The following MACF1 variants were observed in gnomAD, a reference collection of about 807,000 sequenced individuals.
MACF1 encodes microtubule actin crosslinking factor 1.
MACF1 carries 193 observed loss-of-function variants against 854.8 expected under a neutral mutation model. That is an observed-to-expected ratio of 0.23 (90% CI 0.20 to 0.25). MACF1 has a LOEUF of 0.25. Among genes scored for constraint, MACF1 ranks in the 10% least tolerant of loss-of-function variants. The pLI is 1.00. For synonymous variants in MACF1, 3,185 were observed against 3,226.7 expected (o/e 0.99, Z 0.44); for missense variants, 7,722 against 8,929.1 (o/e 0.86, Z 5.45).
chr1:39,362,729 T>G (rs954545314), intron 49 of MACF1, among the ~76,000 whole-genome samples: 15 of 152,214 alleles, frequency 9.9e-5, no homozygotes, highest in African/African-American at 3.6e-4. Context: ...AGTCCCACTT[T>G]TAGTGGGGAA....
chr1:39,314,567 T>TCACACACA lies in MACF1; in HGVS notation c.3271-945_3271-944insACACACAC, dbSNP rs761098207. On this transcript the variant is annotated intron_variant, in intron 26 of 100. Transcript: ENST00000564288. ...TTCTCTTTCTCTCTCTCTCTCTCTC[T>TCACACACA]CTCACACACACACACACACACACAC... Among the ~76,000 whole-genome samples the TCACACACA allele has an allele frequency of 7.6e-3, 874 of 115,200 alleles. 4 individuals carry two copies. Among genetic ancestry groups the TCACACACA allele is most frequent in the Middle Eastern group, 0.017 (4 of 242 alleles). The allele number at this position is 115,200 out of a possible 152,430, so 75.6% of individuals were successfully genotyped here.
chr1:39,133,808 T>TC (rs1643082826), intron 2 of MACF1, among the ~76,000 whole-genome samples: 1 of 152,202 alleles, frequency 6.6e-6, no homozygotes, highest in South Asian at 2.1e-4. Flanking sequence ...ATTCATTTTT[T>TC]CTAGAGTTGC....
intron 2 of MACF1, among the ~76,000 whole-genome samples, chr1:39,148,544 A>G (rs1304264070): frequency 6.6e-6 from 1 of 152,202 alleles, no homozygotes; most frequent in Non-Finnish European, 1.5e-5. Context: ...CATGCAATAC[A>G]TATTTGGAAA....
intron 6 of MACF1, among the ~76,000 whole-genome samples, chr1:39,261,764 A>G (rs1332771194): frequency 6.6e-6 from 1 of 152,232 alleles, no homozygotes; most frequent in African/African-American, 2.4e-5. Context: ...AGTTATTTGC[A>G]TACCAGTCTG....
chr1:39,440,439 C>T (rs138881555), intron 72 of MACF1, among the ~76,000 whole-genome samples: 1 of 152,028 alleles, frequency 6.6e-6, no homozygotes, highest in Non-Finnish European at 1.5e-5. Context: ...ACATTTCTTA[C>T]CTCATATTGT....
chr1:39,333,587 G>T lies in MACF1; in HGVS notation c.6999G>T (p.Gln2333His). 6.2e-7 allele frequency: 1 copy of T among 1,614,206 alleles called. No individual in the cohort carries two copies. Among genetic ancestry groups the T allele is most frequent in the Non-Finnish European group, 8.5e-7 (1 of 1,180,028 alleles). ...VKLMEKLNMF[Q>H]GFFDSQTCES... ...TTATGGAGAAGCTGAACATGTTTCAGGGGTTCTTTGACTCTCAGACTTGTG... is the reference window on the plus strand; with the variant it reads ...TTATGGAGAAGCTGAACATGTTTCATGGGTTCTTTGACTCTCAGACTTGTG... The change falls in exon 37 of 101, where the codon CAG becomes CAT. Residue 2333 changes from glutamine to histidine, a missense_variant. Physicochemically the swap from Gln to His is conservative, Grantham distance 24. Transcript: ENST00000564288.
chr1:39,458,865 GA>G, intron 90 of MACF1: 1 of 534,238 alleles, frequency 1.9e-6, no homozygotes, highest in Non-Finnish European at 3.3e-6. Flanking sequence ...AGGTAGGACA[GA>G]ATTGCTTGGA....
chr1:39,098,506 T>C (rs1167260176), intron 2 of MACF1, among the ~76,000 whole-genome samples: 1 of 152,234 alleles, frequency 6.6e-6, no homozygotes, highest in African/African-American at 2.4e-5. Context: ...TAACATCCAT[T>C]ATCTCTACTG....
chr1:39,153,481 C>G (rs1643623592), intron 2 of MACF1, among the ~76,000 whole-genome samples: 1 of 152,068 alleles, frequency 6.6e-6, no homozygotes. Flanking sequence ...GACCCACAGC[C>G]AAAAAGAAAA....
rs958541242 is a variant in MACF1, at chr1:39,451,284, A to ATGAC, written c.20418+76_20418+79dup. The ATGAC allele has an allele frequency of 4.2e-6, 6 of 1,415,254 alleles. No homozygotes were observed. In the African/African-American group the frequency reaches 7.2e-5, roughly 17 times the overall value. 87.7% of individuals were successfully genotyped at this position (1,415,254 alleles called of 1,614,324 possible). On this transcript the variant is annotated intron_variant, in intron 85 of 100. Transcript: ENST00000564288. The stretch of plus-strand genomic sequence containing the variant: ...TATGACTGCCTAGGGTCTTCTACAT[A>ATGAC]TGACTGCCTCTGCCCTTCTTTCTAG...
At position 39,449,697 on chromosome 1, in the gene MACF1, A is replaced by ATTTTTTT. The variant is rs4012670; in HGVS notation, c.20258+943_20258+949dup. Among the ~76,000 whole-genome samples the ATTTTTTT allele has an allele frequency of 3.4e-4, 44 of 129,766 alleles. 1 individual carries two copies. Among genetic ancestry groups the ATTTTTTT allele is most frequent in the South Asian group, 7.5e-4 (3 of 4,016 alleles). 85.1% of individuals were successfully genotyped at this position (129,766 alleles called of 152,430 possible). A position where few individuals can be genotyped will look rare whatever the true frequency, so the allele number is the denominator to read the frequency against. ...ACAGGCGTGAGCCACCGCGCCTGGC[A>ATTTTTTT]TTTTTTTTTTTTTTTGTCATGTTGA... On this transcript the variant is annotated intron_variant, in intron 84 of 100. Coordinates refer to ENST00000564288, the MANE Select transcript of MACF1 (RefSeq NM_001394062.1).
intron 98 of MACF1, 26 bp downstream of exon 98, chr1:39,480,035 T>G (rs1387482586): frequency 1.4e-6 from 2 of 1,450,916 alleles, no homozygotes; most frequent in Admixed American, 2.0e-5. Context: ...CATTATGCCC[T>G]TCTTCCCCAA....
chr1:39,351,368 G>A (rs575641227), intron 43 of MACF1, among the ~76,000 whole-genome samples: 6 of 152,126 alleles, frequency 3.9e-5, no homozygotes, highest in African/African-American at 1.2e-4. Flanking sequence ...GGCCAGGCTG[G>A]CTAGTCTGTG....
chr1:39,254,497 C>T, intron 5 of MACF1, 122 bp downstream of exon 5: 1 of 837,148 alleles, frequency 1.2e-6, no homozygotes. Flanking sequence ...TGACCCAGTT[C>T]TGAGTCTTAA....
In MACF1 at chr1:39,439,294, C is replaced by A; in HGVS notation, c.18241C>A (p.Gln6081Lys). 6.2e-7 allele frequency: 1 copy of A among 1,611,694 alleles called. No individual in the cohort carries two copies. The highest frequency in any genetic ancestry group is 1.1e-5 in the South Asian group (1 of 90,998). Residue 6081 changes from glutamine to lysine, a missense_variant, in exon 72 of 101, where the codon CAA (glutamine) becomes AAA (lysine). This residue lies in a region of MACF1 where 2,807 missense variants were observed against 3,235.8 expected (regional missense o/e 0.87). Transcript: ENST00000564288. ...AAKEIQDKLD[Q>K]MVFFWEDIKA... ...CTCAGAAATCCAGGATAAATTGGAT[C>A]AAATGGTATTCTTCTGGGAGGACAT...
Position 39,291,920 on chromosome 1 carries a change from A to T in MACF1, c.1796A>T (p.Glu599Val). 1 of 1,613,448 alleles carries T rather than the reference A, an allele frequency of 6.2e-7. No individual in the cohort carries two copies. Among genetic ancestry groups the T allele is most frequent in the Non-Finnish European group, 8.5e-7 (1 of 1,179,848 alleles). ...SWVEEMQMKL[E>V]RAEWGNDLPS... ...TTTTTTCTTTTTCAGATGAAACTGG[A>T]GCGAGCAGAGTGGGGCAATGACCTG... The change falls in exon 16 of 101, where the codon GAG becomes GTG. Residue 599 changes from glutamate (E) to valine (V), a missense_variant. Transcript: ENST00000564288.
rs1388485770 is a variant in MACF1, at chr1:39,442,301, A to C, written c.18929A>C (p.Glu6310Ala). 6 of 1,597,672 alleles carry C rather than the reference A, an allele frequency of 3.8e-6. No individual in the cohort carries two copies. The Admixed American group carries it at 1.1e-4, about 29-fold the overall frequency. The change falls in exon 76 of 101, where the codon GAG (glutamate) becomes GCG (alanine). Residue 6310 changes from glutamate (E) to alanine (A), a missense_variant. Coordinates refer to ENST00000564288, the MANE Select transcript of MACF1 (RefSeq NM_001394062.1). ...AAACACCTCTGGGAGAACCTGGGTG[A>C]GAAAATTGCCCACCGACAGGTAAGG... ...ELKHLWENLG[E>A]KIAHRQHKLE...
chr1:39,191,195 CT>C (rs1644251334), intron 2 of MACF1, among the ~76,000 whole-genome samples: 1 of 97,708 alleles, frequency 1.0e-5, no homozygotes, highest in African/African-American at 3.7e-5. Context: ...GTGATTCTTT[CT>C]TTCTTTTTTT....
chr1:39,411,956 C>T (rs1337785937), intron 58 of MACF1: 3 of 1,613,836 alleles, frequency 1.9e-6, no homozygotes, highest in African/African-American at 2.7e-5. Context: ...ATGAGAGACA[C>T]TTCCACTGTT....
Sources: gnomAD v4.1 joint callset for allele counts (sites outside exome capture counted in the v4.1 genomes callset) on GRCh38, gnomAD v4.1.1 for gene constraint, gnomAD v4.1.1 regional missense constraint, MANE v1.5 for transcripts, NCBI Gene and HGNC (gene_info 2026-07-23, HGNC 2026-07-21) for gene names.